ANKMY1: variants seen among roughly 807,000 people sequenced by gnomAD.
ANKMY1 encodes the protein ankyrin repeat and MYND domain containing 1, also known as ankyrin repeat and MYND domain-containing protein 1.
Under a neutral mutation model 102.0 loss-of-function variants are expected in ANKMY1, and 98 were observed. The observed-to-expected ratio is 0.96, with a 90% CI of 0.82 to 1.14. ANKMY1 has a LOEUF of 1.14. ANKMY1 is among the 50% of genes most tolerant of loss of function. The pLI, the probability that ANKMY1 is intolerant of heterozygous loss-of-function variation, is 0.00. For missense variants in ANKMY1, 1,330 were observed against 1,347.6 expected (o/e 0.99, Z 0.20); for synonymous variants, 582 against 559.9 (o/e 1.04, Z -0.56).
intron 15 of ANKMY1, among the ~76,000 whole-genome samples, chr2:240,498,229 T>C (rs1574956528): frequency 7.8e-6 from 1 of 127,964 alleles, no homozygotes; most frequent in East Asian, 2.5e-4. Context: ...TGTGCATGTG[T>C]AAGGCATGGG....
chr2:240,500,075 G>T lies in ANKMY1; in HGVS notation c.2689C>A (p.Arg897Ser). ...CGCTTCCGCGCCAGGAACGTCTCGC[G>T]CTCTGCTGGCATCAGCGTGTGGAAG... ...CPFHTLMPAERETFLARKRLL... is the reference protein window; with the variant it reads ...CPFHTLMPAESETFLARKRLL... Residue 897 changes from arginine (R) to serine (S), a missense_variant, in exon 15 of 18, where the codon CGC becomes AGC. Transcript: ENST00000401804. 1 of 1,611,042 alleles carries T rather than the reference G, an allele frequency of 6.2e-7. No individual in the cohort carries two copies.
rs566021356 is a variant in ANKMY1 at position 240,526,715 on chromosome 2, A to G, written c.954-270T>C. 3.4e-4 allele frequency: 466 copies of G among 1,373,446 alleles called. 2 individuals carry two copies. In the African/African-American group the frequency reaches 6.0e-3, roughly 18 times the overall value. 85.1% of individuals were successfully genotyped at this position (1,373,446 alleles called of 1,614,324 possible). On this transcript the variant is annotated intron_variant, in intron 5 of 17. Coordinates refer to ENST00000401804, the MANE Select transcript of ANKMY1 (RefSeq NM_001282771.3). ...ACAGGAATGTGCTGGCTGCGAGTAC[A>G]TCCATGCATCTCTGATTCATCTGGG...
chr2:240,515,269 T>C (rs1313453252), intron 9 of ANKMY1, among the ~76,000 whole-genome samples: 2 of 152,192 alleles, frequency 1.3e-5, no homozygotes, highest in Non-Finnish European at 1.5e-5. Flanking sequence ...GGACGCGGTA[T>C]CTCACACCTG....
chr2:240,553,431 G>T, intron 3 of ANKMY1: 1 of 244,078 alleles, frequency 4.1e-6, no homozygotes, highest in Non-Finnish European at 8.2e-6. Flanking sequence ...TCCCTGCCAG[G>T]TTCACAGGTG....
chr2:240,472,225 C>CTA, the ANKMY1 span, among the ~76,000 whole-genome samples: 63 of 144,732 alleles, frequency 4.4e-4, 2 homozygotes, highest in Non-Finnish European at 5.4e-4. Context: ...GCCTACCAAT[C>CTA]CACGGCCGCA....
chr2:240,509,578 A>G (rs574998206), intron 11 of ANKMY1, 123 bp from the exon 12 acceptor site: 22 of 694,380 alleles, frequency 3.2e-5, no homozygotes, highest in Middle Eastern at 3.0e-4. Flanking sequence ...CCTGCCAACC[A>G]TTACCTTGCC....
intron 13 of ANKMY1, among the ~76,000 whole-genome samples, 174 bp downstream of exon 13, chr2:240,507,386 C>T (rs1226653063): frequency 2.7e-5 from 4 of 147,260 alleles, no homozygotes. Context: ...CCAGGGCTAC[C>T]CAGCCCTCAC....
Position 240,506,874 on chromosome 2 carries a change from G to A in ANKMY1, c.2526+686C>T, listed in dbSNP as rs909174221. Among the ~76,000 whole-genome samples, 18 of 152,244 alleles carry A rather than the reference G, an allele frequency of 1.2e-4. No homozygotes were observed. The highest frequency in any genetic ancestry group is 2.4e-4 in the African/African-American group (10 of 41,554). ...CACATGGGAGGGACACTCCAGGGAC[G>A]TGCCTAGGGCTCAGGACAGAAGGTG... On this transcript the variant is annotated intron_variant, in intron 13 of 17. Transcript: ENST00000401804. The surrounding 1 kb of genome is among the most constrained non-coding windows in gnomAD (Gnocchi z 4.9).
chr2:240,529,363 C>A lies in ANKMY1; in HGVS notation c.627G>T (p.Glu209Asp). The change falls in exon 5 of 18, where the codon GAG becomes GAT. Residue 209 changes from glutamate (E) to aspartate (D), a missense_variant. Physicochemically the swap from Glu to Asp is conservative, Grantham distance 45. Transcript: ENST00000401804. The surrounding 1 kb of genome is among the most constrained non-coding windows in gnomAD (Gnocchi z 4.2). ...GGCTGTGGGTGATGAAGCTGGAGAA[C>A]TCAGGGTATCTGAGGAGGGAGAAGC... ...PSGFSLLRYP[E>D]FSSFITHSPA... 6.2e-7 allele frequency: 1 copy of A among 1,614,164 alleles called. No individual in the cohort carries two copies. The highest frequency in any genetic ancestry group is 8.5e-7 in the Non-Finnish European group (1 of 1,180,034).
chr2:240,469,673 TACAC>T, the ANKMY1 span, among the ~76,000 whole-genome samples: 5 of 146,632 alleles, frequency 3.4e-5, no homozygotes, highest in Admixed American at 1.3e-4. Flanking sequence ...ACTCCACATT[TACAC>T]ACACAAACGA....
intron 4 of ANKMY1, among the ~76,000 whole-genome samples, chr2:240,534,266 A>G (rs1046408977): frequency 3.9e-5 from 6 of 152,218 alleles, no homozygotes; most frequent in Admixed American, 3.9e-4. Flanking sequence ...AATCCCAGAA[A>G]GCTAATGTAG....
chr2:240,503,662 G>A (rs534893317), intron 13 of ANKMY1, among the ~76,000 whole-genome samples: 3 of 152,314 alleles, frequency 2.0e-5, no homozygotes, highest in East Asian at 1.9e-4. Flanking sequence ...ACCATGGGCC[G>A]AGGCCAAGAA....
chr2:240,547,271 A>C, intron 4 of ANKMY1, among the ~76,000 whole-genome samples: 1 of 152,254 alleles, frequency 6.6e-6, no homozygotes, highest in Non-Finnish European at 1.5e-5. Context: ...TACTGGGTAC[A>C]TAACGAAATG....
At chr2:240,505,950 T>G (rs2078997800) in intron 13 of ANKMY1, among the ~76,000 whole-genome samples, 1 of 152,116 alleles carries the variant, frequency 6.6e-6, no homozygotes, top group South Asian at 2.1e-4. Flanking sequence ...AAAGGAGCCC[T>G]TCCCCTTCCT....
intron 8 of ANKMY1, chr2:240,522,609 C>T (rs1372914487): frequency 6.6e-6 from 1 of 152,248 alleles, no homozygotes; most frequent in African/African-American, 2.4e-5. Context: ...ATGAACCAGC[C>T]TTCTGCGCCT....
At chr2:240,542,425 A>C (rs1575292055) in intron 4 of ANKMY1, among the ~76,000 whole-genome samples, 1 of 151,668 alleles carries the variant, frequency 6.6e-6, no homozygotes, top group South Asian at 2.1e-4. Context: ...AATCACTTGA[A>C]CCTGGGAGGT....
chr2:240,512,776 C>T (rs769571894), intron 10 of ANKMY1, 26 bp downstream of exon 10: 4 of 1,604,270 alleles, frequency 2.5e-6, no homozygotes, highest in Admixed American at 3.4e-5. Context: ...GGCCCCATAC[C>T]CCTATCCAGG....
chr2:240,526,374 C>G lies in ANKMY1; in HGVS notation c.1025G>C (p.Cys342Ser). The G allele has an allele frequency of 6.2e-7, 1 of 1,614,242 alleles. No individual in the cohort carries two copies. Among genetic ancestry groups the G allele is most frequent in the African/African-American group, 1.3e-5 (1 of 75,078 alleles). Reference protein sequence around the residue: ...LEGKRSGFAPCGPKEQLSMEM... With the variant: ...LEGKRSGFAPSGPKEQLSMEM... ...CATGGAAAGTTGCTCTTTGGGCCCA[C>G]AGGGTGCAAAGCCACTGCGCTTCCC... Residue 342 changes from cysteine (C) to serine (S), a missense_variant, in exon 6 of 18, where the codon TGT becomes TCT. By Grantham distance (112) the Cys-to-Ser change is moderately radical. Transcript: ENST00000401804.
At position 240,520,601 on chromosome 2, in the gene ANKMY1, A is replaced by G. The variant is rs1411483711; in HGVS notation, c.1833-68T>C. 2 of 1,522,128 alleles carry G rather than the reference A, an allele frequency of 1.3e-6. No homozygotes were observed. Among genetic ancestry groups the G allele is most frequent in the East Asian group, 2.3e-5 (1 of 43,090 alleles). The allele number at this position is 1,522,128 out of a possible 1,614,324, so 94.3% of individuals were successfully genotyped here. A position where few individuals can be genotyped will look rare whatever the true frequency, so the allele number is the denominator to read the frequency against. On this transcript the variant is annotated intron_variant, in intron 8 of 17. Coordinates refer to ENST00000401804, the MANE Select transcript of ANKMY1 (RefSeq NM_001282771.3). The surrounding 1 kb of genome is among the most constrained non-coding windows in gnomAD (Gnocchi z 4.8). ...CCTGCACTGCGCCCAGAACGGGGCC[A>G]TGCCAGCGAGGAGGCTGGGGAGGGG...
Sources: allele counts gnomAD v4.1 joint callset (sites outside exome capture counted in the v4.1 genomes callset), GRCh38; gene constraint gnomAD v4.1.1; non-coding constraint Gnocchi (gnomAD v3.1); transcripts MANE v1.5; gene names NCBI Gene and HGNC (gene_info 2026-07-23, HGNC 2026-07-21).